SHQ1: variants seen among roughly 807,000 people sequenced by gnomAD.
The protein encoded by SHQ1 is SHQ1, H/ACA ribonucleoprotein assembly factor.
Under a neutral mutation model 53.8 loss-of-function variants are expected in SHQ1, and 49 were observed. The ratio of observed to expected loss-of-function variants is 0.91; its 90% CI spans 0.72 to 1.16. The LOEUF is 1.16. SHQ1 is among the 50% of genes most tolerant of loss of function. The pLI is 0.00. For missense variants in SHQ1, 738 were observed against 683.1 expected (o/e 1.08, Z -0.90); for synonymous variants, 243 against 251.0 (o/e 0.97, Z 0.30).
chr3:72,759,527 C>T (rs1184044357), intron 10 of SHQ1, among the ~76,000 whole-genome samples: 1 of 152,012 alleles, frequency 6.6e-6, no homozygotes, highest in Non-Finnish European at 1.5e-5. Flanking sequence ...CCTGTCTCTA[C>T]TAAAAATATA....
At chr3:72,740,062 G>A in the SHQ1 span, among the ~76,000 whole-genome samples, 3 of 152,348 alleles carry the variant, frequency 2.0e-5, no homozygotes, top group African/African-American at 7.2e-5. Flanking sequence ...CTGCACATGG[G>A]AGCATTGGTG....
chr3:72,772,679 A>G, intron 10 of SHQ1: 1 of 723,462 alleles, frequency 1.4e-6, no homozygotes, highest in Non-Finnish European at 2.6e-6. Flanking sequence ...GCTTCCATCA[A>G]GTAAGAGCTT....
At chr3:72,846,443 G>C (rs755929159) in intron 1 of SHQ1, 2 of 726,798 alleles carry the variant, frequency 2.8e-6, no homozygotes, top group African/African-American at 1.8e-5. Context: ...CTACAAGCGC[G>C]TGCCATCAAG....
intron 5 of SHQ1, among the ~76,000 whole-genome samples, chr3:72,831,867 A>C (rs1281783453): frequency 6.6e-6 from 1 of 152,232 alleles, no homozygotes; most frequent in Non-Finnish European, 1.5e-5. Flanking sequence ...ATTAGATTCT[A>C]TTTATTCTCT....
chr3:72,803,036 G>T (rs1575705849), intron 9 of SHQ1, among the ~76,000 whole-genome samples: 1 of 152,148 alleles, frequency 6.6e-6, no homozygotes, highest in South Asian at 2.1e-4. Flanking sequence ...CAAAGACCTG[G>T]TGCAAGCCTT....
chr3:72,832,174 T>C (rs1434012984), intron 5 of SHQ1, among the ~76,000 whole-genome samples, 195 bp downstream of exon 5: 1 of 152,222 alleles, frequency 6.6e-6, no homozygotes, highest in East Asian at 1.9e-4. Flanking sequence ...CAACTTGAGA[T>C]ATAAGAGGCA....
In SHQ1 at chr3:72,750,492, A is replaced by G; in HGVS notation, c.1526T>C (p.Val509Ala). The G allele has an allele frequency of 1.9e-6, 3 of 1,613,996 alleles. No homozygotes were observed. Among genetic ancestry groups the G allele is most frequent in the Non-Finnish European group, 2.5e-6 (3 of 1,179,992 alleles). The change falls in exon 11 of 11, where the codon GTA becomes GCA. Residue 509 changes from valine to alanine, a missense_variant. Transcript: ENST00000325599. The stretch of plus-strand genomic sequence containing the variant: ...CTCCTGGATGGCTGTGTTTCTGCGT[A>G]CTCCACCATCAACAATAAGAAAGGC... Reference protein sequence around the residue: ...SSAFLIVDGGVRRNTAIQESD... With the variant: ...SSAFLIVDGGARRNTAIQESD...
In SHQ1 at chr3:72,750,538, G is replaced by T. The variant is rs756825745; in HGVS notation, c.1480C>A (p.Pro494Thr). The change falls in exon 11 of 11, where the codon CCC (proline) becomes ACC (threonine). Residue 494 changes from proline (P) to threonine (T), a missense_variant. By Grantham distance (38) the Pro-to-Thr change is conservative (BLOSUM62 -1). Transcript: ENST00000325599. ...AAGGCACTGCTTTCTTCAAGAAAGG[G>T]ACCTTGCAAAGAACTGACTGTCTCA... ...PSETVSSLQG[P>T]FLEESSAFLI... The T allele has an allele frequency of 6.2e-7, 1 of 1,614,216 alleles. No homozygotes were observed. Among genetic ancestry groups the T allele is most frequent in the Non-Finnish European group, 8.5e-7 (1 of 1,180,036 alleles).
chr3:72,804,700 A>C (rs2106833616), intron 9 of SHQ1, among the ~76,000 whole-genome samples: 1 of 152,306 alleles, frequency 6.6e-6, no homozygotes, highest in Admixed American at 6.5e-5. Context: ...TTACTTAAAG[A>C]AACTTTAAGT....
chr3:72,753,534 A>T (rs1003049327), intron 10 of SHQ1: 1 of 985,246 alleles, frequency 1.0e-6, no homozygotes, highest in Admixed American at 6.1e-5. Flanking sequence ...GCACCACTGC[A>T]GTGTCCAAGG....
chr3:72,831,980 G>A (rs1455023179), intron 5 of SHQ1, among the ~76,000 whole-genome samples: 1 of 152,184 alleles, frequency 6.6e-6, no homozygotes, highest in Non-Finnish European at 1.5e-5. Flanking sequence ...AAGAAATGTG[G>A]TACAGGTACA....
intron 10 of SHQ1, among the ~76,000 whole-genome samples, chr3:72,791,299 G>A (rs1287730086): frequency 6.6e-6 from 1 of 152,164 alleles, no homozygotes; most frequent in Non-Finnish European, 1.5e-5. Flanking sequence ...CAATTAGCAG[G>A]AGGATCAAAT....
At chr3:72,727,123 AG>A in the SHQ1 span, among the ~76,000 whole-genome samples, 2 of 152,146 alleles carry the variant, frequency 1.3e-5, no homozygotes, top group African/African-American at 2.4e-5. Context: ...CCATGGAACC[AG>A]GGGGTCCACG....
intron 10 of SHQ1, among the ~76,000 whole-genome samples, chr3:72,789,092 A>G (rs890576199): frequency 7.2e-5 from 11 of 152,126 alleles, no homozygotes; most frequent in African/African-American, 2.4e-4. Flanking sequence ...AAAAAAAAAA[A>G]AAAAAAGAAA....
At chr3:72,811,767 T>C (rs1443369879) in intron 9 of SHQ1, among the ~76,000 whole-genome samples, 1 of 152,198 alleles carries the variant, frequency 6.6e-6, no homozygotes, top group Non-Finnish European at 1.5e-5. Context: ...TTCTCTTCTT[T>C]AGGCCAGTGA....
At chr3:72,733,419 C>T in the SHQ1 span, among the ~76,000 whole-genome samples, 293 of 151,462 alleles carry the variant, frequency 1.9e-3, 8 homozygotes, top group African/African-American at 6.7e-3. Context: ...GGGGATACAA[C>T]CTAAACAAAA....
At chr3:72,795,960 A>G (rs1706600774) in intron 9 of SHQ1, among the ~76,000 whole-genome samples, 1 of 151,914 alleles carries the variant, frequency 6.6e-6, no homozygotes, top group Non-Finnish European at 1.5e-5. Flanking sequence ...AAAATGAGCC[A>G]GGCGTGGTAG....
At chr3:72,742,611 CT>C in the SHQ1 span, among the ~76,000 whole-genome samples, 1 of 128,554 alleles carries the variant, frequency 7.8e-6, no homozygotes, top group African/African-American at 3.1e-5. Context: ...CTTTTTTTTT[CT>C]TTTTTTCTTT....
chr3:72,752,117 C>G (rs1360597977), intron 10 of SHQ1, among the ~76,000 whole-genome samples: 1 of 152,106 alleles, frequency 6.6e-6, no homozygotes, highest in East Asian at 1.9e-4. Context: ...TATGACATAT[C>G]CATACAACGG....
Sources: gnomAD v4.1 joint callset for allele counts (sites outside exome capture counted in the v4.1 genomes callset) on GRCh38, gnomAD v4.1.1 for gene constraint, MANE v1.5 for transcripts, NCBI Gene and HGNC (gene_info 2026-07-23, HGNC 2026-07-21) for gene names.